The following CDKN2B-AS1 variants were observed in gnomAD, a reference collection of about 807,000 sequenced individuals.
CDKN2B-AS1 encodes the protein CDKN2B and CDKN2A antisense cis and trans regulatory RNA 1, also known as CDKN2B antisense RNA 1 (non-protein coding).
chr9:22,074,734 C>T (rs1824429581), intron 4 of CDKN2B-AS1, among the ~76,000 whole-genome samples: 1 of 152,160 alleles, frequency 6.6e-6, no homozygotes, highest in South Asian at 2.1e-4. Flanking sequence ...CTCTCCTGGG[C>T]ACTGATTCCA....
exon 5 of CDKN2B-AS1, among the ~76,000 whole-genome samples, chr9:22,127,639 G>C (rs920763547): frequency 2.0e-5 from 3 of 152,122 alleles, no homozygotes; most frequent in Non-Finnish European, 4.4e-5. Flanking sequence ...AGGATCTCTG[G>C]GCGGGGTAAA....
intron 4 of CDKN2B-AS1, among the ~76,000 whole-genome samples, chr9:22,087,043 C>T (rs1339192371): frequency 1.3e-5 from 2 of 152,214 alleles, no homozygotes; most frequent in East Asian, 3.9e-4. Flanking sequence ...AGTTACTAGT[C>T]ACATGATCTT....
chr9:22,026,805 G>T (rs537445115), intron 1 of CDKN2B-AS1, among the ~76,000 whole-genome samples: 14 of 152,298 alleles, frequency 9.2e-5, no homozygotes, highest in Admixed American at 3.3e-4. Context: ...TGGCTGCTCT[G>T]CTGAGACTCC....
intron 4 of CDKN2B-AS1, among the ~76,000 whole-genome samples, chr9:22,069,749 A>G (rs1824211857): frequency 6.6e-6 from 1 of 152,212 alleles, no homozygotes; most frequent in African/African-American, 2.4e-5. Context: ...GTGCAATAGA[A>G]TGCTAGAATT....
intron 1 of CDKN2B-AS1, among the ~76,000 whole-genome samples, chr9:22,020,626 A>T (rs1434389820): frequency 6.6e-6 from 1 of 152,146 alleles, no homozygotes; most frequent in East Asian, 1.9e-4. Context: ...TTTTCTAATG[A>T]TCAGTGATGT....
intron 4 of CDKN2B-AS1, among the ~76,000 whole-genome samples, chr9:22,126,487 A>G (rs182070617): frequency 1.3e-5 from 2 of 152,244 alleles, no homozygotes; most frequent in Non-Finnish European, 2.9e-5. Flanking sequence ...AGTTGAGAGC[A>G]AAGTTTGCTT....
chr9:22,069,655 C>G (rs1470539707), intron 4 of CDKN2B-AS1, among the ~76,000 whole-genome samples: 1 of 152,066 alleles, frequency 6.6e-6, no homozygotes, highest in East Asian at 1.9e-4. Flanking sequence ...ATTTATTATT[C>G]CTTTTTGATG....
rs117869160 is a variant in CDKN2B-AS1 at position 22,066,355 on chromosome 9, T to C, written n.438+9968T>C. The stretch of plus-strand genomic sequence containing the variant: ...ACTACAGATGCACCACCATGCATGG[T>C]TAGTTTTTTAATTTTTTTTTGTAGA... On this transcript the variant is annotated intron_variant and non_coding_transcript_variant, in intron 4 of 4. Transcript: ENST00000650946. 847 of 151,946 alleles carry C rather than the reference T, an allele frequency of 5.6e-3. 9 individuals carry two copies. Among genetic ancestry groups the C allele is most frequent in the East Asian group, 0.02 (103 of 5,098 alleles). The allele number at this position is 151,946 out of a possible 1,614,324, so 9.4% of individuals were successfully genotyped here.
intron 1 of CDKN2B-AS1, among the ~76,000 whole-genome samples, chr9:22,035,449 T>G (rs1192522820): frequency 2.0e-5 from 3 of 152,148 alleles, no homozygotes; most frequent in Non-Finnish European, 4.4e-5. Flanking sequence ...CGTGAATATG[T>G]TGATTGGCGT....
At chr9:22,062,164 G>A (rs1296257125) in intron 4 of CDKN2B-AS1, 1 of 152,156 alleles carries the variant, frequency 6.6e-6, no homozygotes, top group African/African-American at 2.4e-5. Context: ...CTATATCTCT[G>A]CTGGCTCCCT....
At chr9:22,091,166 G>T (rs191924947) in intron 4 of CDKN2B-AS1, among the ~76,000 whole-genome samples, 2 of 152,128 alleles carry the variant, frequency 1.3e-5, no homozygotes, top group Admixed American at 6.6e-5. Context: ...TGAGCGCTTT[G>T]TTCTGTTCCA....
chr9:22,023,542 T>C (rs1174961413), intron 1 of CDKN2B-AS1, among the ~76,000 whole-genome samples: 1 of 151,936 alleles, frequency 6.6e-6, no homozygotes, highest in Admixed American at 6.6e-5. Context: ...GAGACCAGCC[T>C]GGATAATGTG....
At chr9:22,027,734 T>C (rs1281622216) in intron 1 of CDKN2B-AS1, among the ~76,000 whole-genome samples, 5 of 152,200 alleles carry the variant, frequency 3.3e-5, no homozygotes, top group African/African-American at 1.2e-4. Context: ...GAGTAAAAGA[T>C]TCCTGTTCAT....
At chr9:22,113,083 C>T (rs1011941863) in intron 4 of CDKN2B-AS1, among the ~76,000 whole-genome samples, 5 of 152,144 alleles carry the variant, frequency 3.3e-5, no homozygotes, top group African/African-American at 9.7e-5. Context: ...TTTGAAATAA[C>T]GCCCATGTAT....
chr9:22,122,013 C>G (rs1010688273), intron 4 of CDKN2B-AS1, among the ~76,000 whole-genome samples: 4 of 151,750 alleles, frequency 2.6e-5, no homozygotes, highest in African/African-American at 9.7e-5. Flanking sequence ...TTCCCACCAA[C>G]AGTGTATAAG....
chr9:22,040,087 GC>G (rs1275355923), intron 1 of CDKN2B-AS1, among the ~76,000 whole-genome samples: 1 of 151,982 alleles, frequency 6.6e-6, no homozygotes, highest in Non-Finnish European at 1.5e-5. Flanking sequence ...GGATGGCCCA[GC>G]CAACTGCTAA....
intron 4 of CDKN2B-AS1, among the ~76,000 whole-genome samples, chr9:22,108,645 C>T (rs1449161308): frequency 1.3e-5 from 2 of 152,118 alleles, no homozygotes; most frequent in African/African-American, 4.8e-5. Context: ...TACAACTCAT[C>T]CTTTTCATTT....
At chr9:22,081,635 A>G (rs1387264237) in intron 4 of CDKN2B-AS1, among the ~76,000 whole-genome samples, 2 of 152,236 alleles carry the variant, frequency 1.3e-5, no homozygotes, top group African/African-American at 4.8e-5. Context: ...GCCCATGATC[A>G]GTGAGCTGAA....
At chr9:22,070,392 T>A (rs1824241434) in intron 4 of CDKN2B-AS1, among the ~76,000 whole-genome samples, 1 of 152,204 alleles carries the variant, frequency 6.6e-6, no homozygotes, top group African/African-American at 2.4e-5. Context: ...ATGTCAGTAG[T>A]CCTTGGAAAG....
Sources: gnomAD v4.1 joint callset for allele counts (sites outside exome capture counted in the v4.1 genomes callset) on GRCh38, gnomAD v4.1.1 for gene constraint, MANE v1.5 for transcripts, NCBI Gene and HGNC (gene_info 2026-07-23, HGNC 2026-07-21) for gene names.